NAV2: variants seen among roughly 807,000 people sequenced by gnomAD.
The protein encoded by NAV2 is helicase, APC down-regulated 1.
Under a neutral mutation model 223.2 loss-of-function variants are expected in NAV2, and 54 were observed. The observed-to-expected ratio is 0.24, with a 90% CI of 0.19 to 0.30. The LOEUF (loss-of-function observed/expected upper bound fraction) is 0.30, where lower values mean the gene tolerates loss of function less well. Ranked by LOEUF, NAV2 falls within the 10% of genes least tolerant of loss-of-function variation. The probability of loss-of-function intolerance (pLI) is 1.00; values close to 1 mark genes in which losing one functional copy is unlikely to be tolerated. For missense variants in NAV2, 2,806 were observed against 3,147.5 expected, an observed-to-expected ratio of 0.89 and a Z score of 2.60; for synonymous variants, 1,279 against 1,239.3, an observed-to-expected ratio of 1.03 and a Z score of -0.67.
At chr11:19,748,228 A>G (rs116438807) in intron 1 of NAV2, among the ~76,000 whole-genome samples, 2,319 of 152,272 alleles carry the variant, frequency 0.015, 49 homozygotes, top group African/African-American at 0.053. Context: ...TGGGATTTTC[A>G]CATCCCAGGA....
intron 1 of NAV2, among the ~76,000 whole-genome samples, chr11:19,656,614 A>C (rs1247907712): frequency 6.6e-6 from 1 of 152,190 alleles, no homozygotes; most frequent in African/African-American, 2.4e-5. Context: ...ATGGGTGAAT[A>C]AATGGGCAAA....
chr11:20,100,993 A>C lies in NAV2; in HGVS notation c.6238A>C (p.Ile2080Leu), dbSNP rs771345985. ...GTTTGAGTCCTTGATTCCCAAGCCC[A>C]TCCTGCAGCGCTACGTCTCCCTCCT... ...LVFESLIPKP[I>L]LQRYVSLLIE... The change falls in exon 32 of 38, where the codon ATC becomes CTC. Residue 2080 changes from isoleucine (I) to leucine (L), a missense_variant. Coordinates refer to ENST00000349880, the MANE Select transcript of NAV2 (RefSeq NM_145117.5). 5 of 1,614,142 alleles carry C rather than the reference A, an allele frequency of 3.1e-6. No homozygotes were observed. The South Asian group carries it at 5.5e-5, about 18-fold the overall frequency.
At chr11:19,492,565 G>C (rs907834940) in intron 1 of NAV2, among the ~76,000 whole-genome samples, 3 of 152,008 alleles carry the variant, frequency 2.0e-5, no homozygotes, top group Non-Finnish European at 4.4e-5. Flanking sequence ...AAGCTGGAAG[G>C]GGCCAGCTTC....
At chr11:19,409,251 TAAGA>T in intron 1 of NAV2, among the ~76,000 whole-genome samples, 1 of 152,310 alleles carries the variant, frequency 6.6e-6, no homozygotes, top group Middle Eastern at 3.4e-3. Context: ...AAAGAGAAAG[TAAGA>T]AAGAAAAGAA....
intron 1 of NAV2, among the ~76,000 whole-genome samples, chr11:19,578,698 G>T (rs372518822): frequency 1.3e-5 from 2 of 152,330 alleles, no homozygotes; most frequent in East Asian, 3.9e-4. Context: ...TAGGTCAGGG[G>T]TCTGCATATT....
At chr11:19,708,945 T>C (rs1019155482), upstream of NAV2, among the ~76,000 whole-genome samples, 7 of 151,362 alleles carry the variant, frequency 4.6e-5, no homozygotes, top group Non-Finnish European at 1.5e-5. Context: ...TTTTAATACC[T>C]GGATAGTGTA....
At chr11:19,725,810 G>A (rs1163265008) in intron 1 of NAV2, among the ~76,000 whole-genome samples, 4 of 152,230 alleles carry the variant, frequency 2.6e-5, no homozygotes, top group African/African-American at 7.2e-5. Context: ...TTTGTAACAG[G>A]ACCTGCTAGT....
intron 4 of NAV2, 22 bp from the exon 5 acceptor site, chr11:19,879,845 AAG>A: frequency 3.7e-6 from 6 of 1,613,832 alleles, no homozygotes; most frequent in Non-Finnish European, 5.1e-6. Context: ...CCCATCTGAC[AAG>A]AGTCTCTTTA....
intron 26 of NAV2, among the ~76,000 whole-genome samples, chr11:20,084,672 G>C (rs889663702): frequency 6.6e-6 from 1 of 152,130 alleles, no homozygotes; most frequent in African/African-American, 2.4e-5. Context: ...AAATTACTGA[G>C]AGAGTGTGTC....
intron 1 of NAV2, among the ~76,000 whole-genome samples, chr11:19,819,966 G>A (rs1212627606): frequency 6.6e-6 from 1 of 152,214 alleles, no homozygotes; most frequent in Non-Finnish European, 1.5e-5. Flanking sequence ...GTCTTGGCTG[G>A]GCATGATAAG....
intron 1 of NAV2, among the ~76,000 whole-genome samples, chr11:19,745,582 C>T (rs74375538): frequency 6.6e-6 from 1 of 152,176 alleles, no homozygotes; most frequent in Admixed American, 6.5e-5. Flanking sequence ...TCACAGAAAG[C>T]GGTGGTCCCC....
chr11:19,936,155 C>T (rs1299976377), intron 7 of NAV2, among the ~76,000 whole-genome samples: 1 of 151,754 alleles, frequency 6.6e-6, no homozygotes, highest in East Asian at 1.9e-4. Flanking sequence ...AGGCATGAGC[C>T]ACCGCGCCCA....
rs902036294 is a variant in NAV2, at chr11:19,397,161, AG to A, written c.75+46136del. On this transcript the variant is annotated intron_variant, in intron 1 of 37. Coordinates refer to the NAV2 transcript ENST00000360655. ...ATGGGGACTATTCTTAGCTGCTTAGAGGTCCCCATAAAAAGAGGGAACTGAT... is the reference window on the plus strand; with the variant it reads ...ATGGGGACTATTCTTAGCTGCTTAGAGTCCCCATAAAAAGAGGGAACTGAT... Among the ~76,000 whole-genome samples, 18 of 152,290 alleles carry A rather than the reference AG, an allele frequency of 1.2e-4. 1 individual carries two copies. The highest frequency in any genetic ancestry group is 4.3e-4 in the African/African-American group (18 of 41,558).
intron 1 of NAV2, among the ~76,000 whole-genome samples, chr11:19,785,772 A>G (rs1440382024): frequency 6.6e-6 from 1 of 152,048 alleles, no homozygotes; most frequent in Non-Finnish European, 1.5e-5. Context: ...AAGCTGTCTC[A>G]CTGTCTCTCT....
chr11:19,857,166 A>C (rs1292654854), intron 3 of NAV2, among the ~76,000 whole-genome samples: 1 of 152,244 alleles, frequency 6.6e-6, no homozygotes, highest in Non-Finnish European at 1.5e-5. Context: ...CACTCTAGAG[A>C]CATATCTACT....
At chr11:19,414,068 A>G (rs1850259793) in intron 1 of NAV2, among the ~76,000 whole-genome samples, 1 of 152,210 alleles carries the variant, frequency 6.6e-6, no homozygotes, top group Non-Finnish European at 1.5e-5. Context: ...CACACATAAC[A>G]AGATTAACCT....
At chr11:19,691,132 T>G (rs1300470071) in intron 1 of NAV2, among the ~76,000 whole-genome samples, 1 of 152,168 alleles carries the variant, frequency 6.6e-6, no homozygotes, top group Non-Finnish European at 1.5e-5. Context: ...AACTCCCAGG[T>G]GCTACTGCTG....
chr11:19,469,075 A>G (rs370352524), intron 1 of NAV2, among the ~76,000 whole-genome samples: 1 of 152,220 alleles, frequency 6.6e-6, no homozygotes, highest in East Asian at 1.9e-4. Context: ...GCATGTGGAA[A>G]GTATTCAGAA....
At chr11:20,084,600 T>G (rs980295073) in intron 26 of NAV2, among the ~76,000 whole-genome samples, 1 of 152,170 alleles carries the variant, frequency 6.6e-6, no homozygotes, top group Non-Finnish European at 1.5e-5. Flanking sequence ...GGGACTGGAC[T>G]TCGGTTTGGC....
Sources: allele counts gnomAD v4.1 joint callset (sites outside exome capture counted in the v4.1 genomes callset), GRCh38; gene constraint gnomAD v4.1.1; transcripts MANE v1.5; gene names NCBI Gene and HGNC (gene_info 2026-07-23, HGNC 2026-07-21).